Variants in RAD51B observed in about 807,000 individuals in gnomAD.
The protein encoded by RAD51B is RAD51 paralog B.
Under a neutral mutation model 42.2 loss-of-function variants are expected in RAD51B, and 38 were observed. The observed-to-expected ratio is 0.90, with a 90% CI of 0.70 to 1.18. The LOEUF (loss-of-function observed/expected upper bound fraction) is 1.18, where lower values mean the gene tolerates loss of function less well. Ranked by LOEUF, RAD51B falls within the 50% of genes most tolerant of loss-of-function variation. RAD51B has a pLI of 0.00. For synonymous variants in RAD51B, 154 were observed against 145.2 expected (o/e 1.06, Z -0.43); for missense variants, 373 against 400.7 (o/e 0.93, Z 0.59).
intron 7 of RAD51B, among the ~76,000 whole-genome samples, chr14:68,007,936 A>G (rs1427597413): frequency 6.6e-6 from 1 of 152,046 alleles, no homozygotes. Context: ...CATTACTGAA[A>G]TAAATGCAAA....
At position 68,563,647 on chromosome 14, in the gene RAD51B, C is replaced by T. The variant is rs567597524; in HGVS notation, c.1037-30838C>T. On this transcript the variant is annotated intron_variant, in intron 10 of 10. Transcript: ENST00000487270. ...AGATTTGGCTTGAAAAATGGGCCAT[C>T]GGTCATGCTTCGGGGGAAGGGCAGA... 7.1e-6 allele frequency: 7 copies of T among 985,374 alleles called. No individual in the cohort carries two copies. The South Asian group carries it at 1.9e-4, about 26-fold the overall frequency. 61.0% of individuals were successfully genotyped at this position (985,374 alleles called of 1,614,324 possible).
chr14:68,202,079 A>G (rs1180181587), intron 7 of RAD51B, among the ~76,000 whole-genome samples: 4 of 152,260 alleles, frequency 2.6e-5, no homozygotes, highest in Non-Finnish European at 5.9e-5. Context: ...TGTTAATGCT[A>G]TACTGTAGAC....
At chr14:68,582,964 C>T (rs1214055794) in intron 10 of RAD51B, among the ~76,000 whole-genome samples, 2 of 151,914 alleles carry the variant, frequency 1.3e-5, no homozygotes, top group Admixed American at 6.6e-5. Flanking sequence ...AACACATGGA[C>T]ACAGGGAGGG....
At chr14:67,854,561 GA>G (rs2041924860) in intron 4 of RAD51B, among the ~76,000 whole-genome samples, 1 of 151,786 alleles carries the variant, frequency 6.6e-6, no homozygotes, top group South Asian at 2.1e-4. Context: ...TTGAATCCAG[GA>G]GGCAGAAGTT....
At chr14:68,001,003 T>C (rs2075472077) in intron 7 of RAD51B, among the ~76,000 whole-genome samples, 1 of 152,204 alleles carries the variant, frequency 6.6e-6, no homozygotes, top group South Asian at 2.1e-4. Flanking sequence ...TTTATTTCTC[T>C]ATTTAGGTAT....
At chr14:68,601,708 G>A (rs947811181) in intron 10 of RAD51B, among the ~76,000 whole-genome samples, 4 of 151,890 alleles carry the variant, frequency 2.6e-5, no homozygotes, top group Non-Finnish European at 5.9e-5. Flanking sequence ...TCATAGTAGG[G>A]GGCCCACAAA....
At chr14:67,827,525 G>A (rs2040875147) in intron 3 of RAD51B, among the ~76,000 whole-genome samples, 1 of 151,316 alleles carries the variant, frequency 6.6e-6, no homozygotes, top group Non-Finnish European at 1.5e-5. Flanking sequence ...GTGCAGGTTT[G>A]TTACATAGGT....
chr14:68,009,025 T>A (rs28403941), intron 7 of RAD51B, among the ~76,000 whole-genome samples: 42,831 of 151,758 alleles, frequency 0.28, 8,154 homozygotes, highest in African/African-American at 0.54. Flanking sequence ...GATACATTTT[T>A]AAAAAACTAT....
intron 7 of RAD51B, among the ~76,000 whole-genome samples, chr14:68,283,738 C>T (rs1009931101): frequency 6.6e-6 from 1 of 152,158 alleles, no homozygotes; most frequent in South Asian, 2.1e-4. Flanking sequence ...GTGGGGCAGC[C>T]AGCAGTGGAA....
intron 7 of RAD51B, among the ~76,000 whole-genome samples, chr14:67,916,995 G>A (rs554144039): frequency 9.9e-5 from 15 of 152,176 alleles, no homozygotes; most frequent in Non-Finnish European, 2.2e-4. Context: ...CAGAAGAAAG[G>A]AGGTGCAGAA....
chr14:68,267,617 T>C (rs1156811328), intron 7 of RAD51B, among the ~76,000 whole-genome samples: 1 of 152,202 alleles, frequency 6.6e-6, no homozygotes, highest in African/African-American at 2.4e-5. Flanking sequence ...CCATAGTATG[T>C]ATAGAGACCC....
intron 7 of RAD51B, among the ~76,000 whole-genome samples, chr14:68,112,201 A>G (rs2077470675): frequency 1.3e-5 from 2 of 152,162 alleles, no homozygotes; most frequent in South Asian, 2.1e-4. Flanking sequence ...CTAGTATAAC[A>G]TTGCACTCAT....
intron 7 of RAD51B, among the ~76,000 whole-genome samples, chr14:67,966,903 G>A (rs1281349524): frequency 6.6e-6 from 1 of 152,024 alleles, no homozygotes; most frequent in East Asian, 1.9e-4. Context: ...TCTTCTCATA[G>A]CAATCTGATA....
intron 7 of RAD51B, among the ~76,000 whole-genome samples, chr14:68,187,665 A>C (rs890922098): frequency 6.6e-6 from 1 of 152,226 alleles, no homozygotes; most frequent in Non-Finnish European, 1.5e-5. Context: ...TGATATTAGC[A>C]TGTTTGTATA....
chr14:67,901,105 G>A (rs1387578287), intron 7 of RAD51B, among the ~76,000 whole-genome samples: 1 of 152,188 alleles, frequency 6.6e-6, no homozygotes, highest in Non-Finnish European at 1.5e-5. Context: ...GGTCTTTTAT[G>A]TGGCAAGAGC....
intron 10 of RAD51B, among the ~76,000 whole-genome samples, chr14:68,629,192 G>A (rs1296739410): frequency 2.0e-5 from 3 of 152,138 alleles, no homozygotes; most frequent in African/African-American, 7.2e-5. Flanking sequence ...TCAAACAAAA[G>A]TAAGCCTTCA....
chr14:67,981,572 G>A (rs914874365), intron 7 of RAD51B, among the ~76,000 whole-genome samples: 1 of 152,146 alleles, frequency 6.6e-6, no homozygotes, highest in Non-Finnish European at 1.5e-5. Context: ...CCATCAACAA[G>A]TGAATGGATA....
chr14:67,844,242 T>A (rs193293680), intron 4 of RAD51B, among the ~76,000 whole-genome samples: 2 of 152,122 alleles, frequency 1.3e-5, no homozygotes, highest in Admixed American at 1.3e-4. Context: ...TTTTTTTTTT[T>A]AATTTGTTGA....
intron 8 of RAD51B, among the ~76,000 whole-genome samples, chr14:68,356,293 G>A (rs2082897647): frequency 6.6e-6 from 1 of 152,076 alleles, no homozygotes. Context: ...AAATTAGCCG[G>A]GTGCAGTGGC....
Sources: allele counts gnomAD v4.1 joint callset (sites outside exome capture counted in the v4.1 genomes callset), GRCh38; gene constraint gnomAD v4.1.1; transcripts MANE v1.5; gene names NCBI Gene and HGNC (gene_info 2026-07-23, HGNC 2026-07-21).